MACROD1: variants seen among roughly 807,000 people sequenced by gnomAD.
MACROD1 encodes the protein ADP-ribose glycohydrolase MACROD1.
In MACROD1, 31 loss-of-function variants were observed where a neutral mutation model predicts 41.4. The observed-to-expected ratio is 0.75, with a 90% CI of 0.56 to 1.01. The LOEUF is 1.01. Among genes scored for constraint, MACROD1 ranks in the 50% least tolerant of loss-of-function variants. The pLI is 0.00. For synonymous variants in MACROD1, 252 were observed against 203.4 expected, an observed-to-expected ratio of 1.24 and a Z score of -2.03; for missense variants, 473 against 460.0, an observed-to-expected ratio of 1.03 and a Z score of -0.26.
intron 3 of MACROD1, among the ~76,000 whole-genome samples, chr11:64,080,171 C>G (rs566283078): frequency 2.0e-5 from 3 of 152,282 alleles, no homozygotes; most frequent in Non-Finnish European, 4.4e-5. Context: ...CGCCACCATG[C>G]CTGGCTAATT....
At chr11:64,028,610 C>T (rs1943253159) in intron 3 of MACROD1, among the ~76,000 whole-genome samples, 1 of 152,242 alleles carries the variant, frequency 6.6e-6, no homozygotes, top group Non-Finnish European at 1.5e-5. Flanking sequence ...CCCTCCTCGG[C>T]AGCGGCAGCG....
chr11:64,016,527 G>A lies in MACROD1; in HGVS notation c.518-1246C>T, dbSNP rs917035841. On this transcript the variant is annotated intron_variant, in intron 3 of 10. Transcript: ENST00000255681. ...GATGAGGGGACACAGAGCTGAGCTGGGTGGCCAGGCTGCAGGCCCAAGATG... is the reference window on the plus strand; with the variant it reads ...GATGAGGGGACACAGAGCTGAGCTGAGTGGCCAGGCTGCAGGCCCAAGATG... 4.6e-5 allele frequency among the ~76,000 whole-genome samples: 7 copies of A among 152,396 alleles called. No individual in the cohort carries two copies. In the East Asian group the frequency reaches 1.2e-3, roughly 25 times the overall value.
rs200658385 is a variant in MACROD1, at chr11:64,116,303, C to T, written c.517+34936G>A. 8.7e-6 allele frequency: 14 copies of T among 1,606,082 alleles called. No homozygotes were observed. In the Admixed American group the frequency reaches 2.4e-4, roughly 27 times the overall value. ...CACACCCCACCGCCACTGCCACCAC[C>T]ACGCCCACTGCCACTGTCACGGCCA... On this transcript the variant is annotated intron_variant, in intron 3 of 10. Coordinates refer to ENST00000255681, the MANE Select transcript of MACROD1 (RefSeq NM_014067.4).
rs573518886 is a variant in MACROD1, at chr11:64,153,081, C to A, written c.299-688G>T. 2.0e-5 allele frequency among the ~76,000 whole-genome samples: 3 copies of A among 152,186 alleles called. No homozygotes were observed. In the South Asian group the frequency reaches 6.2e-4, roughly 32 times the overall value. On this transcript the variant is annotated intron_variant, in intron 1 of 10. Transcript: ENST00000255681. The stretch of plus-strand genomic sequence containing the variant: ...AGTGAGGAGCCAGGCACCCCCCACC[C>A]GCTCACAGACTCGGGGTCCACCCTG...
rs2845593 is a variant in MACROD1, at chr11:64,096,887, C to T, written c.517+54352G>A. Among the ~76,000 whole-genome samples, 39,622 of 152,228 alleles carry T rather than the reference C, an allele frequency of 0.26. 5,694 individuals carry two copies. The highest frequency in any genetic ancestry group is 0.35 in the Admixed American group (5,324 of 15,302). On this transcript the variant is annotated intron_variant, in intron 3 of 10. Transcript: ENST00000255681. The surrounding 1 kb of genome is among the most constrained non-coding windows in gnomAD (Gnocchi z 4.6). Reference sequence around the variant, plus strand: ...GGCCTCCCCCGGCAGAGCTGAGAGCCGATGCCTGTCCCTCCGTGAGCTGGG... The same window carrying T: ...GGCCTCCCCCGGCAGAGCTGAGAGCTGATGCCTGTCCCTCCGTGAGCTGGG...
intron 1 of MACROD1, among the ~76,000 whole-genome samples, chr11:64,156,853 C>G (rs779871827): frequency 2.7e-4 from 41 of 152,222 alleles, no homozygotes; most frequent in Non-Finnish European, 4.9e-4. Flanking sequence ...AGAAGGCCAG[C>G]AGGCCAGACA....
chr11:64,056,238 G>A (rs1193580938), intron 3 of MACROD1, among the ~76,000 whole-genome samples: 2 of 152,032 alleles, frequency 1.3e-5, no homozygotes, highest in African/African-American at 2.4e-5. Flanking sequence ...TGCAGCAGGT[G>A]GGCCCATGGG....
At chr11:64,008,375 A>G (rs1942949102) in intron 4 of MACROD1, among the ~76,000 whole-genome samples, 1 of 17,860 alleles carries the variant, frequency 5.6e-5, no homozygotes. Flanking sequence ...TGAGCAGGTG[A>G]GGGAGTCTGC....
chr11:64,033,871 G>GT (rs1404905894), intron 3 of MACROD1, among the ~76,000 whole-genome samples: 1 of 151,900 alleles, frequency 6.6e-6, no homozygotes, highest in East Asian at 1.9e-4. Flanking sequence ...TTATTTTTTT[G>GT]TATTTTTTTT....
intron 3 of MACROD1, among the ~76,000 whole-genome samples, chr11:64,056,406 C>T (rs1943786110): frequency 6.6e-6 from 1 of 152,178 alleles, no homozygotes; most frequent in Admixed American, 6.5e-5. Context: ...GAAATTTACA[C>T]CCACAGCCCA....
chr11:64,036,980 G>C lies in MACROD1; in HGVS notation c.518-21699C>G, dbSNP rs946432127. Among the ~76,000 whole-genome samples, 2 of 152,228 alleles carry C rather than the reference G, an allele frequency of 1.3e-5. No individual in the cohort carries two copies. Among genetic ancestry groups the C allele is most frequent in the Admixed American group, 1.3e-4 (2 of 15,288 alleles). On this transcript the variant is annotated intron_variant, in intron 3 of 10. Coordinates refer to ENST00000255681, the MANE Select transcript of MACROD1 (RefSeq NM_014067.4). The surrounding 1 kb of genome is among the most constrained non-coding windows in gnomAD (Gnocchi z 5.6). ...CCGAGGAGGAGAAAGTTGTGGAACA[G>C]GGACACCAGGGAGCTGCCACAGCCT...
intron 3 of MACROD1, among the ~76,000 whole-genome samples, chr11:64,143,712 CAG>C (rs1424711796): frequency 1.4e-5 from 2 of 148,048 alleles, no homozygotes; most frequent in African/African-American, 2.5e-5. Flanking sequence ...AAAAAGAGAA[CAG>C]AGAGGAGGTA....
rs200023735 is a variant in MACROD1, at chr11:64,151,387, C to T, written c.401-32G>A. 33 of 1,552,170 alleles carry T rather than the reference C, an allele frequency of 2.1e-5. No homozygotes were observed. In the South Asian group the frequency reaches 2.4e-4, roughly 12 times the overall value. ...CAAGTAGGGGCCGGGGAGGTCACAG[C>T]GAGGCTGCCCACTGCAGAGGGACCC... is the stretch of plus-strand genomic sequence containing the variant. On this transcript the variant is annotated intron_variant, in intron 2 of 10. Transcript: ENST00000255681.
chr11:64,069,987 G>A (rs1031280023), intron 3 of MACROD1, among the ~76,000 whole-genome samples: 1 of 152,132 alleles, frequency 6.6e-6, no homozygotes, highest in African/African-American at 2.4e-5. Context: ...GCAGAGCAGG[G>A]GGCCAGGAAG....
chr11:64,057,236 A>T (rs1943803170), intron 3 of MACROD1, among the ~76,000 whole-genome samples: 1 of 152,214 alleles, frequency 6.6e-6, no homozygotes, highest in African/African-American at 2.4e-5. Flanking sequence ...CTGGGGGCTG[A>T]ACGTAGGGGA....
intron 1 of MACROD1, among the ~76,000 whole-genome samples, chr11:64,152,724 C>A (rs536171534): frequency 1.3e-5 from 2 of 152,172 alleles, no homozygotes; most frequent in Non-Finnish European, 2.9e-5. Context: ...CTGATTAGAA[C>A]GGGGGTGAAG....
chr11:64,046,573 C>T (rs1469792380), intron 3 of MACROD1, among the ~76,000 whole-genome samples: 3 of 152,134 alleles, frequency 2.0e-5, no homozygotes, highest in African/African-American at 4.8e-5. Context: ...CTTTTTGAGA[C>T]GGAGTTTTGT....
intron 3 of MACROD1, among the ~76,000 whole-genome samples, chr11:64,119,430 C>T (rs530877252): frequency 6.6e-6 from 1 of 152,210 alleles, no homozygotes; most frequent in South Asian, 2.1e-4. Flanking sequence ...CTCCCTCCCC[C>T]ACCACGTGCA....
intron 8 of MACROD1, 75 bp from the exon 9 acceptor site, chr11:63,999,111 G>A: frequency 6.9e-7 from 1 of 1,444,864 alleles, no homozygotes; most frequent in Non-Finnish European, 9.3e-7. Flanking sequence ...CTGCCCTGGT[G>A]CAGGCTTTCA....
Sources: gnomAD v4.1 joint callset for allele counts (sites outside exome capture counted in the v4.1 genomes callset) on GRCh38, gnomAD v4.1.1 for gene constraint, Gnocchi (gnomAD v3.1) non-coding constraint, MANE v1.5 for transcripts, NCBI Gene and HGNC (gene_info 2026-07-23, HGNC 2026-07-21) for gene names.